Variants in TP63 observed in about 807,000 individuals in gnomAD.
The protein encoded by TP63 is tumor protein p63.
In TP63, 17 loss-of-function variants were observed where a neutral mutation model predicts 82.8. The ratio of observed to expected loss-of-function variants is 0.21; its 90% confidence interval spans 0.14 to 0.31. TP63 has a LOEUF of 0.31. TP63 is among the 10% of genes least tolerant of loss of function. TP63 has a pLI of 1.00. For synonymous variants in TP63, 330 were observed against 321.7 expected (o/e 1.03, Z -0.28); for missense variants, 648 against 895.3 (o/e 0.72, Z 3.52).
intron 3 of TP63, among the ~76,000 whole-genome samples, chr3:189,794,755 CT>C (rs1725521291): frequency 2.0e-5 from 3 of 151,974 alleles, no homozygotes; most frequent in Admixed American, 2.0e-4. Flanking sequence ...AATTGGAGCT[CT>C]ACTAGAGAGC....
intron 1 of TP63, among the ~76,000 whole-genome samples, chr3:189,636,927 A>G (rs956407959): frequency 6.6e-6 from 1 of 152,176 alleles, no homozygotes; most frequent in African/African-American, 2.4e-5. Context: ...TATGATTATC[A>G]TAGACTTTGT....
At chr3:189,618,258 C>T in the TP63 span, among the ~76,000 whole-genome samples, 4 of 152,302 alleles carry the variant, frequency 2.6e-5, no homozygotes, top group South Asian at 6.2e-4. Flanking sequence ...AACCCAGCTA[C>T]CTCTTCAGTC....
At chr3:189,820,376 C>A (rs1421981614) in intron 4 of TP63, among the ~76,000 whole-genome samples, 1 of 152,204 alleles carries the variant, frequency 6.6e-6, no homozygotes, top group East Asian at 1.9e-4. Context: ...TCTTACCTAG[C>A]ACGGCATGGA....
At chr3:189,638,392 G>A (rs1711526848) in intron 1 of TP63, among the ~76,000 whole-genome samples, 1 of 152,084 alleles carries the variant, frequency 6.6e-6, no homozygotes, top group African/African-American at 2.4e-5. Context: ...AATAATACAA[G>A]GTACAAGGTG....
In TP63 at chr3:189,772,643, G is replaced by A. The variant is rs189506614; in HGVS notation, c.324+33869G>A. 5.9e-5 allele frequency among the ~76,000 whole-genome samples: 9 copies of A among 152,306 alleles called. No individual in the cohort carries two copies. The East Asian group carries it at 1.7e-3, about 29-fold the overall frequency. On this transcript the variant is annotated intron_variant, in intron 3 of 13. Transcript: ENST00000264731. ...AGACTACATCATGTTTAATGGAAAA[G>A]TAGATTGAATTTCTGTCTCATTTTC...
At chr3:189,646,681 G>A (rs1288618602) in intron 1 of TP63, among the ~76,000 whole-genome samples, 1 of 146,498 alleles carries the variant, frequency 6.8e-6, no homozygotes, top group Non-Finnish European at 1.5e-5. Context: ...CAAGATATAA[G>A]GCAGGTGGGA....
chr3:189,862,635 T>C (rs1016745151), intron 4 of TP63, among the ~76,000 whole-genome samples: 1 of 152,240 alleles, frequency 6.6e-6, no homozygotes, highest in African/African-American at 2.4e-5. Context: ...TTATGCGTTA[T>C]ATACCTCCTA....
the TP63 span, among the ~76,000 whole-genome samples, chr3:189,600,417 A>C: frequency 0.34 from 51,127 of 152,094 alleles, 9,281 homozygotes; most frequent in Middle Eastern, 0.42. Context: ...TAAGTGCTTT[A>C]CATGTATAAT....
chr3:189,775,254 A>T (rs1004889867), intron 3 of TP63, among the ~76,000 whole-genome samples: 3 of 151,760 alleles, frequency 2.0e-5, no homozygotes, highest in Non-Finnish European at 4.4e-5. Flanking sequence ...AAAGAAAGAA[A>T]GAAAAAAATT....
At chr3:189,616,691 G>T in the TP63 span, among the ~76,000 whole-genome samples, 1 of 152,164 alleles carries the variant, frequency 6.6e-6, no homozygotes, top group Non-Finnish European at 1.5e-5. Flanking sequence ...TTGATTTTAT[G>T]ACTTAGAAGA....
At chr3:189,693,007 T>C (rs1458448546) in intron 1 of TP63, among the ~76,000 whole-genome samples, 1 of 152,174 alleles carries the variant, frequency 6.6e-6, no homozygotes, top group Non-Finnish European at 1.5e-5. Context: ...CATCTGAACC[T>C]TTCCTGCCAG....
intron 11 of TP63, among the ~76,000 whole-genome samples, chr3:189,887,966 C>T (rs1484923024): frequency 1.3e-5 from 2 of 151,400 alleles, no homozygotes; most frequent in Non-Finnish European, 2.9e-5. Flanking sequence ...AAGTGATTCT[C>T]CTGCCTCAGC....
chr3:189,615,407 C>T, the TP63 span, among the ~76,000 whole-genome samples: 3 of 152,180 alleles, frequency 2.0e-5, no homozygotes, highest in Non-Finnish European at 4.4e-5. Context: ...CTATCACTGT[C>T]GCCTCTCCCT....
intron 3 of TP63, among the ~76,000 whole-genome samples, chr3:189,759,860 G>A (rs1389203494): frequency 6.6e-6 from 1 of 152,198 alleles, no homozygotes; most frequent in Non-Finnish European, 1.5e-5. Context: ...AGGTTTATTG[G>A]ACTTACAGTT....
intron 1 of TP63, among the ~76,000 whole-genome samples, chr3:189,712,172 G>A (rs967082989): frequency 7.9e-5 from 12 of 152,144 alleles, no homozygotes; most frequent in African/African-American, 2.7e-4. Context: ...GCATTTCCCT[G>A]TCCTCACTTA....
intron 1 of TP63, among the ~76,000 whole-genome samples, chr3:189,737,169 C>T (rs762657423): frequency 1.3e-5 from 2 of 151,998 alleles, no homozygotes; most frequent in African/African-American, 2.4e-5. Flanking sequence ...AAGCAACTGG[C>T]AATAAAAAAT....
At position 189,866,663 on chromosome 3, in the gene TP63, A is replaced by G. The variant is rs374911989; in HGVS notation, c.767-19A>G. On this transcript the variant is annotated intron_variant, in intron 5 of 13. Transcript: ENST00000264731. ...TTTAAGGTAAAGAACTAACTCTTTT[A>G]TTGTTTTCTGCTCTGCAGGACAGAT... 3.1e-6 allele frequency: 5 copies of G among 1,606,374 alleles called. No individual in the cohort carries two copies. The African/African-American group carries it at 6.7e-5, about 22-fold the overall frequency.
At chr3:189,673,420 C>T (rs1715104314) in intron 1 of TP63, among the ~76,000 whole-genome samples, 1 of 151,766 alleles carries the variant, frequency 6.6e-6, no homozygotes, top group East Asian at 1.9e-4. Context: ...AATAAACATG[C>T]AAAGTAGAAC....
intron 3 of TP63, among the ~76,000 whole-genome samples, chr3:189,779,239 G>A (rs149005771): frequency 2.0e-5 from 3 of 152,154 alleles, no homozygotes; most frequent in East Asian, 1.9e-4. Flanking sequence ...TAATCCCTTT[G>A]TGACATTATT....
Sources: allele counts gnomAD v4.1 joint callset (sites outside exome capture counted in the v4.1 genomes callset), GRCh38; gene constraint gnomAD v4.1.1; transcripts MANE v1.5; gene names NCBI Gene and HGNC (gene_info 2026-07-23, HGNC 2026-07-21).